The following KCNK10 variants were observed in gnomAD, a reference collection of about 807,000 sequenced individuals.
The protein encoded by KCNK10 is potassium two pore domain channel subfamily K member 10.
A neutral mutation model predicts 47.7 loss-of-function variants in KCNK10; 25 were observed. The observed-to-expected ratio is 0.52, with a 90% CI of 0.38 to 0.73. The LOEUF is 0.73. Ranked by LOEUF, KCNK10 falls within the 30% of genes least tolerant of loss-of-function variation. The pLI is 0.00. For missense variants in KCNK10, 563 were observed against 714.5 expected, an observed-to-expected ratio of 0.79 and a Z score of 2.42; for synonymous variants, 303 against 285.6, an observed-to-expected ratio of 1.06 and a Z score of -0.61.
rs568616306 is a variant in KCNK10 at position 88,280,136 on chromosome 14, C to G, written c.53-16585G>C. Among the ~76,000 whole-genome samples the G allele has an allele frequency of 1.6e-4, 25 of 152,278 alleles. No homozygotes were observed. In the South Asian group the frequency reaches 5.2e-3, roughly 32 times the overall value. ...CTGCATAAAATCTACTGGTCTTCCT[C>G]TCCTGTCACTCCACTGAAACTGCTC... On this transcript the variant is annotated intron_variant, in intron 1 of 6. Transcript: ENST00000319231.
intron 4 of KCNK10, among the ~76,000 whole-genome samples, chr14:88,210,608 C>A (rs1253032524): frequency 6.6e-6 from 1 of 152,050 alleles, no homozygotes; most frequent in African/African-American, 2.4e-5. Context: ...GCGCACAGGG[C>A]CCAAGCTGAC....
intron 1 of KCNK10, among the ~76,000 whole-genome samples, chr14:88,282,674 C>A (rs1357688268): frequency 6.6e-6 from 1 of 152,192 alleles, no homozygotes; most frequent in East Asian, 1.9e-4. Context: ...CTGTCTCAAA[C>A]TAGCTACTTT....
In KCNK10 at chr14:88,322,941, A is replaced by G; in HGVS notation, c.-143T>C. On this transcript the variant is annotated 5_prime_UTR_variant, in exon 1 of 7. Transcript: ENST00000319231. The surrounding 1 kb of genome is among the most constrained non-coding windows in gnomAD (Gnocchi z 4.8). ...TTGGACTGGCTCGTGGAGGAACCCC[A>G]GAAAAAGACAGGTGGGAAAATATTA... The G allele has an allele frequency of 6.7e-7, 1 of 1,493,056 alleles. No individual in the cohort carries two copies. The highest frequency in any genetic ancestry group is 2.2e-5 in the Admixed American group (1 of 45,252). 92.5% of individuals were successfully genotyped at this position (1,493,056 alleles called of 1,614,324 possible). A position where few individuals can be genotyped will look rare whatever the true frequency, so the allele number is the denominator to read the frequency against.
At chr14:88,278,136 T>C (rs557974511) in intron 1 of KCNK10, among the ~76,000 whole-genome samples, 20 of 152,154 alleles carry the variant, frequency 1.3e-4, no homozygotes, top group African/African-American at 4.3e-4. Context: ...TCCACCCCTA[T>C]GGAATTCAGA....
intron 3 of KCNK10, among the ~76,000 whole-genome samples, chr14:88,237,895 C>A (rs910793468): frequency 6.6e-6 from 1 of 152,190 alleles, no homozygotes; most frequent in Admixed American, 6.5e-5. Flanking sequence ...TAGCCCCTAA[C>A]AAAAGAGTCA....
intron 1 of KCNK10, among the ~76,000 whole-genome samples, chr14:88,299,158 T>C (rs1385219345): frequency 1.3e-5 from 2 of 152,336 alleles, no homozygotes; most frequent in East Asian, 3.9e-4. Context: ...TAACACTCCC[T>C]AAGACACTTT....
upstream of KCNK10, among the ~76,000 whole-genome samples, chr14:88,326,240 A>G (rs1353287576): frequency 7.0e-6 from 1 of 143,120 alleles, no homozygotes; most frequent in African/African-American, 2.6e-5. Flanking sequence ...ACCGTTTCCC[A>G]AAACGTGTCT....
intron 1 of KCNK10, among the ~76,000 whole-genome samples, chr14:88,302,670 A>G (rs1312568703): frequency 6.6e-6 from 1 of 152,250 alleles, no homozygotes; most frequent in Admixed American, 6.5e-5. Context: ...AGATCGTGCC[A>G]CTGCACTCCA....
intron 1 of KCNK10, among the ~76,000 whole-genome samples, chr14:88,279,314 C>T (rs1261140873): frequency 6.6e-6 from 1 of 151,450 alleles, no homozygotes; most frequent in Non-Finnish European, 1.5e-5. Flanking sequence ...TAGACTGCAT[C>T]GCATGGTAGC....
chr14:88,255,325 T>C (rs28639440), intron 2 of KCNK10, among the ~76,000 whole-genome samples: 2,362 of 152,108 alleles, frequency 0.016, 56 homozygotes, highest in African/African-American at 0.054. Context: ...TAATCACTTA[T>C]TGGCTGTCTG....
intron 2 of KCNK10, among the ~76,000 whole-genome samples, chr14:88,249,150 A>G (rs1886725552): frequency 6.6e-6 from 1 of 152,220 alleles, no homozygotes; most frequent in African/African-American, 2.4e-5. Context: ...TGTATGTCTC[A>G]TCTCCATTTT....
intron 4 of KCNK10, among the ~76,000 whole-genome samples, chr14:88,193,814 T>G (rs1001256879): frequency 2.6e-5 from 4 of 152,204 alleles, no homozygotes; most frequent in African/African-American, 9.6e-5. Flanking sequence ...GGAAACAGCT[T>G]TTCAAGTAAT....
rs145836812 is a variant in KCNK10 at position 88,185,569 on chromosome 14, G to A, written c.1598C>T (p.Pro533Leu). ...MIPTDTKDRE[P>L]ENNSLLEDRN is the part of the protein sequence containing the mutation. ...GTCTTCAAGTAATGAGTTGTTCTCCGGCTCCCGGTCTTTGGTGTCCGTGGG... is the reference window on the plus strand; with the variant it reads ...GTCTTCAAGTAATGAGTTGTTCTCCAGCTCCCGGTCTTTGGTGTCCGTGGG... The change falls in exon 7 of 7, where the codon CCG becomes CTG. Residue 533 changes from proline to leucine, a missense_variant. Transcript: ENST00000319231. The surrounding 1 kb of genome is among the most constrained non-coding windows in gnomAD (Gnocchi z 4.3). 75 of 1,613,662 alleles carry A rather than the reference G, an allele frequency of 4.6e-5. No homozygotes were observed. The African/African-American group carries it at 6.4e-4, about 14-fold the overall frequency.
intron 3 of KCNK10, among the ~76,000 whole-genome samples, chr14:88,239,095 T>C (rs974068548): frequency 1.6e-4 from 25 of 152,186 alleles, no homozygotes; most frequent in African/African-American, 6.0e-4. Flanking sequence ...GTTGAAACTA[T>C]TGTGAAAATT....
chr14:88,241,156 T>C (rs1886454242), intron 2 of KCNK10, among the ~76,000 whole-genome samples: 1 of 152,250 alleles, frequency 6.6e-6, no homozygotes, highest in African/African-American at 2.4e-5. Context: ...TAGAAGAATG[T>C]TCACCCAAAG....
Position 88,181,556 on chromosome 14 carries a change from C to CA in KCNK10, c.*3978dup, listed in dbSNP as rs1884357010. On this transcript the variant is annotated 3_prime_UTR_variant, in exon 7 of 7. Transcript: ENST00000319231. ...TTCTTTAACTAGTCTTAACACCATG[C>CA]AAAAAATGCCCTCACAGCATGAGCC... 6.6e-6 allele frequency: 1 copy of CA among 151,970 alleles called. No homozygotes were observed. Among genetic ancestry groups the CA allele is most frequent in the African/African-American group, 2.4e-5 (1 of 41,314 alleles). The allele number at this position is 151,970 out of a possible 1,614,324, so 9.4% of individuals were successfully genotyped here.
At chr14:88,294,651 G>A (rs754415241) in intron 1 of KCNK10, among the ~76,000 whole-genome samples, 20 of 152,112 alleles carry the variant, frequency 1.3e-4, no homozygotes, top group Non-Finnish European at 2.4e-4. Context: ...ATATACAAAC[G>A]TCCTCATAGG....
chr14:88,190,825 T>C (rs886338106), intron 5 of KCNK10, among the ~76,000 whole-genome samples: 1 of 152,146 alleles, frequency 6.6e-6, no homozygotes, highest in Non-Finnish European at 1.5e-5. Context: ...CATGCCCCTA[T>C]TGATGAGCCT....
rs752584131 is a variant in KCNK10, at chr14:88,263,226, G to A, written c.378C>T (p.Pro126=). ...CCTGGATCAACGTCTCCAGCTCCTG[G>A]GGGCTCACACAGACATGATCCCGCA... ...EFLRDHVCVS[P]QELETLIQHA... Residue 126 remains proline (P), a synonymous_variant, in exon 2 of 7, where the codon CCC becomes CCT. Transcript: ENST00000319231. 1 of 1,613,742 alleles carries A rather than the reference G, an allele frequency of 6.2e-7. No homozygotes were observed. Among genetic ancestry groups the A allele is most frequent in the Non-Finnish European group, 8.5e-7 (1 of 1,179,840 alleles).
Sources: allele counts gnomAD v4.1 joint callset (sites outside exome capture counted in the v4.1 genomes callset), GRCh38; gene constraint gnomAD v4.1.1; non-coding constraint Gnocchi (gnomAD v3.1); transcripts MANE v1.5; gene names NCBI Gene and HGNC (gene_info 2026-07-23, HGNC 2026-07-21).